The following RAB27B variants were observed in gnomAD, a reference collection of about 807,000 sequenced individuals.
RAB27B encodes the protein RAB27B, member RAS oncogene family, also known as ras-related protein Rab-27B.
In RAB27B, 15 loss-of-function variants were observed where a neutral mutation model predicts 24.6. That is an observed-to-expected ratio of 0.61 (90% CI 0.41 to 0.94). The LOEUF is 0.94. RAB27B is among the 40% of genes least tolerant of loss of function. The pLI, the probability that RAB27B is intolerant of heterozygous loss-of-function variation, is 0.00. For synonymous variants in RAB27B, 105 were observed against 92.5 expected (o/e 1.14, Z -0.78); for missense variants, 261 against 266.8 (o/e 0.98, Z 0.15).
At chr18:54,815,612 C>A (rs1465309910) in intron 2 of RAB27B, among the ~76,000 whole-genome samples, 1 of 152,158 alleles carries the variant, frequency 6.6e-6, no homozygotes, top group East Asian at 1.9e-4. Context: ...TTGTAAACCC[C>A]TCACTCCCTT....
upstream of RAB27B, among the ~76,000 whole-genome samples, chr18:54,823,667 A>T (rs1461619221): frequency 6.6e-6 from 1 of 152,148 alleles, no homozygotes; most frequent in Non-Finnish European, 1.5e-5. Context: ...TGAATGAATA[A>T]ATCATTGTGC....
At chr18:54,759,610 T>C (rs1908116917) in intron 2 of RAB27B, among the ~76,000 whole-genome samples, 1 of 152,220 alleles carries the variant, frequency 6.6e-6, no homozygotes, top group Non-Finnish European at 1.5e-5. Flanking sequence ...AGCCTAAGAC[T>C]GTGGCCTAAA....
intron 1 of RAB27B, among the ~76,000 whole-genome samples, chr18:54,873,573 T>A (rs533650010): frequency 3.3e-5 from 5 of 152,142 alleles, no homozygotes; most frequent in Non-Finnish European, 7.4e-5. Flanking sequence ...AAGGCTTTTT[T>A]TTTATGGTGT....
chr18:54,753,444 A>G (rs1907899692), intron 2 of RAB27B, among the ~76,000 whole-genome samples: 3 of 152,282 alleles, frequency 2.0e-5, no homozygotes, highest in Middle Eastern at 3.4e-3. Flanking sequence ...TCATCTGTAC[A>G]TAAGTTTGCT....
At chr18:54,845,159 C>T (rs950847791) in intron 1 of RAB27B, among the ~76,000 whole-genome samples, 3 of 152,090 alleles carry the variant, frequency 2.0e-5, no homozygotes, top group African/African-American at 7.2e-5. Flanking sequence ...GTAATCCCAG[C>T]ACTTTGGGAG....
chr18:54,786,352 A>G (rs930173317), intron 2 of RAB27B, among the ~76,000 whole-genome samples: 2 of 152,104 alleles, frequency 1.3e-5, no homozygotes, highest in African/African-American at 4.8e-5. Context: ...GTGTCATCTC[A>G]CACAGAGAGA....
intron 1 of RAB27B, among the ~76,000 whole-genome samples, chr18:54,831,383 G>A (rs1910670145): frequency 6.6e-6 from 1 of 152,054 alleles, no homozygotes; most frequent in Non-Finnish European, 1.5e-5. Flanking sequence ...ATGGGGGAGA[G>A]GAGATAATGG....
Position 54,743,143 on chromosome 18 carries a change from C to T in RAB27B, c.-20+25002C>T, listed in dbSNP as rs139375955. On this transcript the variant is annotated intron_variant, in intron 2 of 4. Coordinates refer to the RAB27B transcript ENST00000586570. Reference sequence around the variant, plus strand: ...ATTTTGTATCTGGTCCTTAATTCCACACTACTCTGCAGCATCTCATTCAGC... The same window carrying T: ...ATTTTGTATCTGGTCCTTAATTCCATACTACTCTGCAGCATCTCATTCAGC... Among the ~76,000 whole-genome samples, 380 of 152,328 alleles carry T rather than the reference C, an allele frequency of 2.5e-3. 4 individuals carry two copies. The South Asian group carries it at 0.028, about 11-fold the overall frequency.
chr18:54,862,014 C>T (rs1275471842), intron 1 of RAB27B, among the ~76,000 whole-genome samples: 1 of 151,546 alleles, frequency 6.6e-6, no homozygotes, highest in African/African-American at 2.4e-5. Context: ...TTTTCTTGTT[C>T]CCTAGCTGGA....
At chr18:54,801,017 T>TG (rs1295333091) in intron 2 of RAB27B, among the ~76,000 whole-genome samples, 5 of 119,934 alleles carry the variant, frequency 4.2e-5, no homozygotes, top group South Asian at 3.1e-4. Context: ...TGTTTTTTTT[T>TG]TTTTTTTTTT....
chr18:54,815,402 C>G (rs769976425), intron 2 of RAB27B, among the ~76,000 whole-genome samples: 5 of 152,212 alleles, frequency 3.3e-5, no homozygotes, highest in Non-Finnish European at 7.3e-5. Context: ...AAGACATCAT[C>G]TTACCTCATT....
intron 1 of RAB27B, among the ~76,000 whole-genome samples, chr18:54,844,904 G>T (rs1911268637): frequency 6.6e-6 from 1 of 152,172 alleles, no homozygotes. Flanking sequence ...TGGAGGTATA[G>T]GGAGGGAGTT....
rs144994650 is a variant in RAB27B at position 54,804,471 on chromosome 18, A to G, written c.-19-73096A>G. On this transcript the variant is annotated intron_variant, in intron 2 of 4. Transcript: ENST00000586570. ...TTAGAAGTGCCTTTTGCCTCCTGCC[A>G]TGATTTGGAGGCCTCCCCAGCCACA... is the stretch of plus-strand genomic sequence containing the variant. Among the ~76,000 whole-genome samples, 770 of 152,310 alleles carry G rather than the reference A, an allele frequency of 5.1e-3. 10 individuals carry two copies. Among genetic ancestry groups the G allele is most frequent in the African/African-American group, 0.016 (667 of 41,562 alleles).
rs1479307292 is a variant in RAB27B, at chr18:54,893,688, AC to A, written c.*4276del. 1 of 152,040 alleles carries A rather than the reference AC, an allele frequency of 6.6e-6. No homozygotes were observed. Among genetic ancestry groups the A allele is most frequent in the Non-Finnish European group, 1.5e-5 (1 of 67,956 alleles). 9.4% of individuals were successfully genotyped at this position (152,040 alleles called of 1,614,324 possible). On this transcript the variant is annotated 3_prime_UTR_variant, in exon 6 of 6. Coordinates refer to ENST00000262094, the MANE Select transcript of RAB27B (RefSeq NM_004163.4). ...GCTTGTCTCATAAAGTAGAACTGAT[AC>A]AAATTTTGGTTGGATATATAGAGAA... is the stretch of plus-strand genomic sequence containing the variant.
intron 1 of RAB27B, among the ~76,000 whole-genome samples, chr18:54,864,738 A>G (rs1386294079): frequency 6.6e-6 from 1 of 152,156 alleles, no homozygotes; most frequent in East Asian, 1.9e-4. Context: ...CTAGATTCCC[A>G]GTTGTCTTCC....
chr18:54,820,956 G>A (rs1462664687), intron 2 of RAB27B, among the ~76,000 whole-genome samples: 1 of 152,126 alleles, frequency 6.6e-6, no homozygotes, highest in African/African-American at 2.4e-5. Context: ...TGAGGGCTCT[G>A]TTCTGTTCCA....
At chr18:54,866,381 C>T (rs118002190) in intron 1 of RAB27B, among the ~76,000 whole-genome samples, 3,591 of 152,314 alleles carry the variant, frequency 0.024, 82 homozygotes, top group Middle Eastern at 0.037. Context: ...CCGCAACCTC[C>T]GCTTCCTGGT....
chr18:54,727,727 G>GT (rs1333707839), intron 2 of RAB27B, among the ~76,000 whole-genome samples: 5 of 152,042 alleles, frequency 3.3e-5, no homozygotes, highest in Non-Finnish European at 7.4e-5. Flanking sequence ...TTTTAATATA[G>GT]TCAGGAAAAA....
intron 2 of RAB27B, among the ~76,000 whole-genome samples, chr18:54,739,368 AT>A (rs1910000360): frequency 6.7e-6 from 1 of 149,962 alleles, no homozygotes; most frequent in South Asian, 2.1e-4. Flanking sequence ...AGGCATAAGA[AT>A]TGCTTGAACC....
Sources: gnomAD v4.1 joint callset for allele counts (sites outside exome capture counted in the v4.1 genomes callset) on GRCh38, gnomAD v4.1.1 for gene constraint, MANE v1.5 for transcripts, NCBI Gene and HGNC (gene_info 2026-07-23, HGNC 2026-07-21) for gene names.